The following LYPD6B variants were observed in gnomAD, a reference collection of about 807,000 sequenced individuals.
The protein encoded by LYPD6B is ly6/PLAUR domain-containing protein 6B.
A neutral mutation model predicts 22.8 loss-of-function variants in LYPD6B; 17 were observed. The ratio of observed to expected loss-of-function variants is 0.75; its 90% CI spans 0.51 to 1.12. The LOEUF (loss-of-function observed/expected upper bound fraction) is 1.12, where lower values mean the gene tolerates loss of function less well. LYPD6B is among the 50% of genes most tolerant of loss of function. LYPD6B has a pLI of 0.00. For missense variants in LYPD6B, 221 were observed against 258.3 expected, an observed-to-expected ratio of 0.86 and a Z score of 0.99; for synonymous variants, 106 against 91.6, an observed-to-expected ratio of 1.16 and a Z score of -0.90.
In LYPD6B at chr2:149,071,342, T is replaced by A. The variant is rs559151908; in HGVS notation, c.-67+32541T>A. ...TTTTCAGGGATTTGCTGTATTTGCA[T>A]ACCAGGTCAGTCCTGGGAGAGGTAA... On this transcript the variant is annotated intron_variant, in intron 1 of 6. Transcript: ENST00000409642. Among the ~76,000 whole-genome samples the A allele has an allele frequency of 2.6e-4, 39 of 152,322 alleles. 1 individual carries two copies. In the South Asian group the frequency reaches 7.9e-3, roughly 31 times the overall value.
At chr2:149,205,459 A>T in intron 4 of LYPD6B, 55 bp downstream of exon 4, 1 of 1,550,984 alleles carries the variant, frequency 6.4e-7, no homozygotes, top group Non-Finnish European at 8.8e-7. Flanking sequence ...GAGTGTTAAT[A>T]TGAAGCCCCC....
chr2:149,091,288 T>A (rs116772153), intron 1 of LYPD6B, among the ~76,000 whole-genome samples: 8,377 of 151,404 alleles, frequency 0.055, 556 homozygotes, highest in African/African-American at 0.17. Flanking sequence ...TTTTAATATA[T>A]ATAAATTTAT....
intron 1 of LYPD6B, among the ~76,000 whole-genome samples, chr2:149,049,387 G>A (rs925644818): frequency 6.6e-6 from 1 of 152,174 alleles, no homozygotes; most frequent in Non-Finnish European, 1.5e-5. Context: ...TCTCATACAC[G>A]TGACACTTTA....
chr2:149,120,299 A>ATATATATATATGTGTATATATATGTG (rs1687225994), intron 1 of LYPD6B, among the ~76,000 whole-genome samples: 5 of 78,816 alleles, frequency 6.3e-5, no homozygotes, highest in Admixed American at 1.6e-4. Context: ...GTATATACAC[A>ATATATATATATGTGTATATATATGTG]TATATATATA....
chr2:149,185,198 A>G (rs1301303937), intron 3 of LYPD6B, among the ~76,000 whole-genome samples: 1 of 152,222 alleles, frequency 6.6e-6, no homozygotes, highest in East Asian at 1.9e-4. Flanking sequence ...ATTAAAGGCA[A>G]GATTTTTTTC....
intron 3 of LYPD6B, among the ~76,000 whole-genome samples, chr2:149,170,453 T>C (rs553355132): frequency 6.6e-6 from 1 of 152,246 alleles, no homozygotes; most frequent in South Asian, 2.1e-4. Flanking sequence ...CTGTGCTATG[T>C]CCTGTTGTGC....
At chr2:149,202,518 T>C (rs997537881) in intron 3 of LYPD6B, among the ~76,000 whole-genome samples, 1 of 152,238 alleles carries the variant, frequency 6.6e-6, no homozygotes, top group Non-Finnish European at 1.5e-5. Flanking sequence ...GGTCCTTGTC[T>C]GTGTAAAGTA....
chr2:149,061,629 T>C (rs1684086414), intron 1 of LYPD6B, among the ~76,000 whole-genome samples: 1 of 151,968 alleles, frequency 6.6e-6, no homozygotes, highest in South Asian at 2.1e-4. Context: ...CTTTGGAGGA[T>C]GGGGGCAGTG....
chr2:149,083,799 G>A (rs1818925), intron 1 of LYPD6B, among the ~76,000 whole-genome samples: 75,973 of 152,002 alleles, frequency 0.5, 21,006 homozygotes, highest in Non-Finnish European at 0.62. Context: ...ACTTTAGGCC[G>A]GGTGCAGTGG....
chr2:149,100,488 A>G lies in LYPD6B; in HGVS notation c.-66-30395A>G, dbSNP rs181120402. ...GTCCATTTGTCTCTGGGTATGGGGC[A>G]TTGTTTTAGTAGGGATTGGCACAGA... On this transcript the variant is annotated intron_variant, in intron 1 of 6. Coordinates refer to ENST00000409642, the MANE Select transcript of LYPD6B (RefSeq NM_177964.5). 1.8e-3 allele frequency among the ~76,000 whole-genome samples: 263 copies of G among 145,382 alleles called. 1 individual carries two copies. The highest frequency in any genetic ancestry group is 6.4e-3 in the African/African-American group (251 of 39,514).
intron 1 of LYPD6B, among the ~76,000 whole-genome samples, chr2:149,066,720 T>C (rs1237370991): frequency 6.6e-6 from 1 of 152,096 alleles, no homozygotes; most frequent in Non-Finnish European, 1.5e-5. Flanking sequence ...TTTGATTCCT[T>C]CTTCACCCTC....
In LYPD6B at chr2:149,189,367, T is replaced by TATATATATATATATATATATATAC. The variant is rs1290881582; in HGVS notation, c.78-15885_78-15884insTATATATATATATATATATATACA. On this transcript the variant is annotated intron_variant, in intron 3 of 6. Transcript: ENST00000409642. ...TTATATATATATATATATATATATA[T>TATATATATATATATATATATATAC]ACACACACATATGTATATATGTATA... 1.9e-3 allele frequency among the ~76,000 whole-genome samples: 154 copies of TATATATATATATATATATATATAC among 80,924 alleles called. 2 individuals carry two copies. The highest frequency in any genetic ancestry group is 5.5e-3 in the African/African-American group (134 of 24,420). The allele number at this position is 80,924 out of a possible 152,430, so 53.1% of individuals were successfully genotyped here.
intron 3 of LYPD6B, among the ~76,000 whole-genome samples, chr2:149,185,934 T>C (rs1434789669): frequency 1.3e-5 from 2 of 152,216 alleles, no homozygotes; most frequent in African/African-American, 4.8e-5. Context: ...ACTTGATCCA[T>C]CAATGCTGTG....
At chr2:149,059,274 A>G (rs1558973165) in intron 1 of LYPD6B, among the ~76,000 whole-genome samples, 4 of 152,210 alleles carry the variant, frequency 2.6e-5, no homozygotes, top group African/African-American at 7.2e-5. Flanking sequence ...AATAATGTAC[A>G]TTCCTGTGCC....
At chr2:149,052,231 A>C (rs546368537) in intron 1 of LYPD6B, among the ~76,000 whole-genome samples, 1 of 151,816 alleles carries the variant, frequency 6.6e-6, no homozygotes, top group African/African-American at 2.4e-5. Context: ...TAGTTTTTGT[A>C]TTTTTAGTAG....
At chr2:149,046,397 C>T (rs1683306279) in intron 1 of LYPD6B, among the ~76,000 whole-genome samples, 1 of 152,152 alleles carries the variant, frequency 6.6e-6, no homozygotes, top group Admixed American at 6.6e-5. Context: ...AGACCATTTA[C>T]ACTTGCTATG....
intron 1 of LYPD6B, among the ~76,000 whole-genome samples, chr2:149,089,533 A>T (rs1176967110): frequency 6.6e-6 from 1 of 152,232 alleles, no homozygotes; most frequent in Non-Finnish European, 1.5e-5. Context: ...TAAAATAGTT[A>T]AAATACTCAA....
chr2:149,054,789 GA>G (rs1683714515), intron 1 of LYPD6B, among the ~76,000 whole-genome samples: 1 of 151,778 alleles, frequency 6.6e-6, no homozygotes, highest in Non-Finnish European at 1.5e-5. Flanking sequence ...TGAGGCTGGA[GA>G]ATCTCTTGAG....
chr2:149,087,007 AT>A (rs35505094), intron 1 of LYPD6B, among the ~76,000 whole-genome samples: 10 of 150,082 alleles, frequency 6.7e-5, no homozygotes, highest in East Asian at 2.0e-4. Flanking sequence ...GTAAGAAGGT[AT>A]TTTTTTTTTT....
Sources: allele counts gnomAD v4.1 joint callset (sites outside exome capture counted in the v4.1 genomes callset), GRCh38; gene constraint gnomAD v4.1.1; transcripts MANE v1.5; gene names NCBI Gene and HGNC (gene_info 2026-07-23, HGNC 2026-07-21).